NCOA1: variants seen among roughly 807,000 people sequenced by gnomAD.
NCOA1 encodes Hin-2 protein.
A neutral mutation model predicts 150.9 loss-of-function variants in NCOA1; 35 were observed. The ratio of observed to expected loss-of-function variants is 0.23; its 90% CI spans 0.18 to 0.31. The LOEUF (loss-of-function observed/expected upper bound fraction) is 0.31. NCOA1 is among the 10% of genes least tolerant of loss of function. The pLI is 1.00. For synonymous variants in NCOA1, 590 were observed against 630.0 expected (o/e 0.94, Z 0.95); for missense variants, 1,491 against 1,749.3 (o/e 0.85, Z 2.63).
chr2:24,628,852 A>C (rs1027348913), intron 3 of NCOA1, among the ~76,000 whole-genome samples: 1 of 152,198 alleles, frequency 6.6e-6, no homozygotes, highest in Admixed American at 6.5e-5. Context: ...TGGTTAAAGC[A>C]TAGTATGCTT....
chr2:24,764,311 A>G (rs1231874303), intron 22 of NCOA1, among the ~76,000 whole-genome samples: 1 of 152,252 alleles, frequency 6.6e-6, no homozygotes, highest in Non-Finnish European at 1.5e-5. Context: ...GATAAAACAC[A>G]TCAATATATG....
chr2:24,681,655 A>T (rs1672180945), intron 7 of NCOA1, among the ~76,000 whole-genome samples: 1 of 152,000 alleles, frequency 6.6e-6, no homozygotes, highest in African/African-American at 2.4e-5. Flanking sequence ...GAAGGAAAAA[A>T]AATTTGTTTA....
chr2:24,599,656 A>G lies in NCOA1; in HGVS notation c.-175+15096A>G, dbSNP rs183989864. On this transcript the variant is annotated intron_variant, in intron 3 of 22. Coordinates refer to ENST00000348332, the MANE Select transcript of NCOA1 (RefSeq NM_003743.5). ...AAATATACTACATGTTTTTTTCCCT[A>G]AACTATTAATTTGGAATATCTTGTA... is the stretch of plus-strand genomic sequence containing the variant. Among the ~76,000 whole-genome samples, 821 of 152,088 alleles carry G rather than the reference A, an allele frequency of 5.4e-3. 11 individuals carry two copies. Among genetic ancestry groups the G allele is most frequent in the African/African-American group, 0.018 (753 of 41,460 alleles).
intron 11 of NCOA1, among the ~76,000 whole-genome samples, chr2:24,701,791 G>A (rs1178777954): frequency 4.6e-5 from 7 of 152,182 alleles, no homozygotes; most frequent in Admixed American, 6.5e-5. Context: ...TGTGAGGATC[G>A]CTTGAGCACA....
intron 8 of NCOA1, among the ~76,000 whole-genome samples, chr2:24,684,140 A>C (rs1274526489): frequency 6.6e-6 from 1 of 152,182 alleles, no homozygotes; most frequent in Admixed American, 6.5e-5. Flanking sequence ...TATAGGTAAT[A>C]CTTAATTAAG....
intron 1 of NCOA1, among the ~76,000 whole-genome samples, chr2:24,509,964 A>G (rs1052458124): frequency 2.6e-5 from 4 of 152,220 alleles, no homozygotes; most frequent in Non-Finnish European, 5.9e-5. Context: ...AGTACTTACC[A>G]CTAATATTTG....
In NCOA1 at chr2:24,729,513, G is replaced by A. The variant is rs371768809; in HGVS notation, c.2899G>A (p.Asp967Asn). The change falls in exon 17 of 23, where the codon GAT becomes AAT. Residue 967 changes from aspartate (D) to asparagine (N), a missense_variant. Around this residue, in one of 8 missense-constraint regions of NCOA1, gnomAD observed 485 missense variants for 522.8 expected, o/e 0.93. Coordinates refer to ENST00000348332, the MANE Select transcript of NCOA1 (RefSeq NM_003743.5). ...IDKLVQGGGL[D>N]VLSERFPPQQ... is the part of the protein sequence containing the mutation. The stretch of plus-strand genomic sequence containing the variant: ...TCTTTTCTAACAGGGGGGTGGATTA[G>A]ATGTATTATCAGAGAGATTTCCACC... 10 of 1,613,504 alleles carry A rather than the reference G, an allele frequency of 6.2e-6. No individual in the cohort carries two copies. Among genetic ancestry groups the A allele is most frequent in the Non-Finnish European group, 8.5e-6 (10 of 1,179,526 alleles).
chr2:24,756,829 C>CA (rs1347621610), intron 20 of NCOA1, among the ~76,000 whole-genome samples: 100 of 152,214 alleles, frequency 6.6e-4, no homozygotes, highest in Admixed American at 1.8e-3. Context: ...ATTCTACTTC[C>CA]TAATAGAGAC....
chr2:24,513,746 C>T (rs114061092), intron 1 of NCOA1, among the ~76,000 whole-genome samples: 224 of 152,250 alleles, frequency 1.5e-3, no homozygotes, highest in African/African-American at 5.3e-3. Context: ...GAGAGTTTTA[C>T]ATTCCTCAAA....
chr2:24,682,546 G>T lies in NCOA1; in HGVS notation c.355-405G>T, dbSNP rs188392391. On this transcript the variant is annotated intron_variant, in intron 7 of 22. Coordinates refer to ENST00000348332, the MANE Select transcript of NCOA1 (RefSeq NM_003743.5). ...GGCTCCTGTCCACGTCTGCTGACTC[G>T]CCTTGTACCATATACTCCAGCAGCT... 1.1e-4 allele frequency among the ~76,000 whole-genome samples: 16 copies of T among 152,192 alleles called. No homozygotes were observed. In the East Asian group the frequency reaches 2.9e-3, roughly 28 times the overall value.
intron 2 of NCOA1, among the ~76,000 whole-genome samples, chr2:24,574,679 T>C (rs2148289407): frequency 6.6e-6 from 1 of 152,210 alleles, no homozygotes; most frequent in East Asian, 1.9e-4. Context: ...TTTCTTTAAG[T>C]GCAAAATCTG....
At chr2:24,512,497 A>G (rs1315449163) in intron 1 of NCOA1, among the ~76,000 whole-genome samples, 5 of 152,222 alleles carry the variant, frequency 3.3e-5, no homozygotes, top group Non-Finnish European at 7.3e-5. Context: ...TCTAATGGCT[A>G]GAAAGTTTAT....
chr2:24,758,217 C>T, intron 21 of NCOA1, 61 bp downstream of exon 21: 1 of 1,458,498 alleles, frequency 6.9e-7, no homozygotes, highest in South Asian at 1.5e-5. Flanking sequence ...TGAGGAAAAT[C>T]AGGTATGTTG....
intron 1 of NCOA1, among the ~76,000 whole-genome samples, chr2:24,546,184 T>C (rs1665598851): frequency 6.6e-6 from 1 of 151,258 alleles, no homozygotes; most frequent in Admixed American, 6.6e-5. Context: ...TAGCCTGGGC[T>C]ACGGAGCAAG....
At chr2:24,677,369 A>C (rs746129056) in intron 7 of NCOA1, among the ~76,000 whole-genome samples, 3 of 152,108 alleles carry the variant, frequency 2.0e-5, no homozygotes, top group Non-Finnish European at 4.4e-5. Flanking sequence ...AACAAACAAA[A>C]AAAACAAACC....
chr2:24,646,706 CTT>C (rs79399130), intron 4 of NCOA1, among the ~76,000 whole-genome samples: 37 of 132,204 alleles, frequency 2.8e-4, no homozygotes, highest in Admixed American at 3.1e-4. Flanking sequence ...TTTCTTCTTT[CTT>C]TTTTTTTTTT....
At chr2:24,660,337 A>AT (rs1366033909) in intron 5 of NCOA1, among the ~76,000 whole-genome samples, 1 of 151,480 alleles carries the variant, frequency 6.6e-6, no homozygotes, top group African/African-American at 2.4e-5. Flanking sequence ...AATTGATAAT[A>AT]TTTTATCATA....
intron 2 of NCOA1, among the ~76,000 whole-genome samples, chr2:24,582,416 A>G (rs1355576098): frequency 1.3e-5 from 2 of 152,192 alleles, no homozygotes; most frequent in Admixed American, 1.3e-4. Flanking sequence ...TATCTCTACA[A>G]TAAAAACTAC....
chr2:24,521,131 T>C (rs974205131), intron 1 of NCOA1, among the ~76,000 whole-genome samples: 1 of 152,168 alleles, frequency 6.6e-6, no homozygotes, highest in Non-Finnish European at 1.5e-5. Context: ...TATTAGAGTA[T>C]AATTGATGAA....
Sources: gnomAD v4.1 joint callset for allele counts (sites outside exome capture counted in the v4.1 genomes callset) on GRCh38, gnomAD v4.1.1 for gene constraint, gnomAD v4.1.1 regional missense constraint, MANE v1.5 for transcripts, NCBI Gene and HGNC (gene_info 2026-07-23, HGNC 2026-07-21) for gene names.